The following SGF29 variants were observed in gnomAD, a reference collection of about 807,000 sequenced individuals.
SGF29 encodes the protein SAGA complex associated factor 29, also known as SAGA-associated factor 29.
Under a neutral mutation model 38.1 loss-of-function variants are expected in SGF29, and 15 were observed. The ratio of observed to expected loss-of-function variants is 0.39; its 90% CI spans 0.26 to 0.61. The LOEUF is 0.61. Among genes scored for constraint, SGF29 ranks in the 20% least tolerant of loss-of-function variants. The pLI, the probability that SGF29 is intolerant of heterozygous loss-of-function variation, is 0.49. For missense variants in SGF29, 184 were observed against 394.6 expected (o/e 0.47, Z 4.52); for synonymous variants, 151 against 160.8 (o/e 0.94, Z 0.46).
intron 3 of SGF29, 101 bp from the exon 4 acceptor site, chr16:28,585,547 C>T: frequency 3.7e-6 from 4 of 1,083,044 alleles, no homozygotes; most frequent in Non-Finnish European, 5.7e-6. Context: ...CAGCTACGGC[C>T]TCTCTGTGCC....
intron 1 of SGF29, among the ~76,000 whole-genome samples, chr16:28,579,806 C>G (rs1341881907): frequency 6.6e-6 from 1 of 151,846 alleles, no homozygotes; most frequent in Non-Finnish European, 1.5e-5. Context: ...TGGCACACAC[C>G]TGTAATCTCA....
chr16:28,564,731 ATATATG>A (rs1567286061), intron 1 of SGF29, among the ~76,000 whole-genome samples: 3 of 13,308 alleles, frequency 2.3e-4, no homozygotes, highest in African/African-American at 4.8e-4. Flanking sequence ...ATATATACAT[ATATATG>A]TATATATGTA....
rs751628138 is a variant in SGF29, at chr16:28,590,947, T to A, written c.765+12T>A. ...CGCCCCCACAGCGGGTAAAGCAGCC[T>A]CCAGGGGAGAGGCCATGGGTGATGT... On this transcript the variant is annotated intron_variant, in intron 9 of 9. Transcript: ENST00000317058. This position sits in a 1 kb window ranked among gnomAD's most constrained non-coding sequence, Gnocchi z 8.2. 8 of 1,599,942 alleles carry A rather than the reference T, an allele frequency of 5.0e-6. No homozygotes were observed. In the South Asian group the frequency reaches 8.9e-5, roughly 18 times the overall value.
At chr16:28,564,501 C>CTGTGTGTGTATATATATATG (rs2046808916) in intron 1 of SGF29, among the ~76,000 whole-genome samples, 2 of 136,070 alleles carry the variant, frequency 1.5e-5, no homozygotes, top group African/African-American at 5.5e-5. Flanking sequence ...GGACAGAACT[C>CTGTGTGTGTATATATATATG]TGTGTGTGTA....
At chr16:28,558,130 G>A (rs1359374536) in intron 1 of SGF29, among the ~76,000 whole-genome samples, 11 of 142,524 alleles carry the variant, frequency 7.7e-5, no homozygotes, top group African/African-American at 2.1e-4. Context: ...TTTTTGAAAC[G>A]GAGTCTCGCT....
intron 1 of SGF29, among the ~76,000 whole-genome samples, chr16:28,554,694 A>C (rs1431979364): frequency 6.6e-6 from 1 of 152,092 alleles, no homozygotes; most frequent in Non-Finnish European, 1.5e-5. Context: ...TCCGGTTTGC[A>C]GCCAAAGGCC....
chr16:28,570,534 T>A (rs1391329172), intron 1 of SGF29, among the ~76,000 whole-genome samples: 2 of 149,824 alleles, frequency 1.3e-5, no homozygotes, highest in Non-Finnish European at 3.0e-5. Flanking sequence ...GATTGATTGA[T>A]TTTTTTAAAT....
At chr16:28,589,004 G>A in intron 4 of SGF29, 96 bp from the exon 5 acceptor site, 1 of 1,327,794 alleles carries the variant, frequency 7.5e-7, no homozygotes, top group Non-Finnish European at 1.1e-6. Flanking sequence ...GGACCAGCCT[G>A]GGCAATGTAG....
chr16:28,582,894 C>T (rs548360697), intron 2 of SGF29, among the ~76,000 whole-genome samples: 1 of 152,240 alleles, frequency 6.6e-6, no homozygotes, highest in East Asian at 1.9e-4. Context: ...AAGATCGCAC[C>T]ACTGCACTCC....
At chr16:28,587,534 C>G (rs989137636) in intron 4 of SGF29, among the ~76,000 whole-genome samples, 1 of 152,344 alleles carries the variant, frequency 6.6e-6, no homozygotes, top group South Asian at 2.1e-4. Context: ...CTTGTCCCTG[C>G]GTTGGTTTGG....
In SGF29 at chr16:28,590,536, G is replaced by A. The variant is rs921556701; in HGVS notation, c.566+94G>A. The A allele has an allele frequency of 2.2e-5, 36 of 1,612,328 alleles. No homozygotes were observed. The highest frequency in any genetic ancestry group is 3.0e-5 in the Non-Finnish European group (35 of 1,179,380). ...TGCAGAGGGTGCTCCCCAGAGGCTG[G>A]TTGTGCAGGGAGCACCAGGTCCTCC... On this transcript the variant is annotated intron_variant, in intron 7 of 9. Transcript: ENST00000317058. This position sits in a 1 kb window ranked among gnomAD's most constrained non-coding sequence, Gnocchi z 8.2.
At chr16:28,571,869 T>G (rs1015584312) in intron 1 of SGF29, among the ~76,000 whole-genome samples, 1 of 152,146 alleles carries the variant, frequency 6.6e-6, no homozygotes, top group Non-Finnish European at 1.5e-5. Context: ...TGAGTGGTGA[T>G]TGATTGATGA....
At chr16:28,564,035 C>A (rs1034575193) in intron 1 of SGF29, among the ~76,000 whole-genome samples, 3 of 152,182 alleles carry the variant, frequency 2.0e-5, no homozygotes, top group Non-Finnish European at 4.4e-5. Flanking sequence ...GCTTAAGCCA[C>A]TGTGCCTGGC....
At chr16:28,557,563 A>G (rs1479474134) in intron 1 of SGF29, among the ~76,000 whole-genome samples, 1 of 152,216 alleles carries the variant, frequency 6.6e-6, no homozygotes, top group Non-Finnish European at 1.5e-5. Context: ...GAGTCATGGA[A>G]ACCCTGATTT....
Position 28,590,834 on chromosome 16 carries a change from A to C in SGF29, c.664A>C (p.Thr222Pro). Residue 222 changes from threonine to proline, a missense_variant, in exon 9 of 10, where the codon ACG becomes CCG. By Grantham distance (38) the Thr-to-Pro change is conservative. This residue lies in a region of SGF29 where 107 missense variants were observed against 276.9 expected (regional missense o/e 0.39). Coordinates refer to ENST00000317058, the MANE Select transcript of SGF29 (RefSeq NM_138414.3). The surrounding 1 kb of genome is among the most constrained non-coding windows in gnomAD (Gnocchi z 8.2). ...PLPQWKANPE[T>P]DPEALFQKEQ... ...GCCCCAGTGGAAGGCCAACCCGGAG[A>C]CGGACCCTGAGGCCTTGTTCCAGAA... is the stretch of plus-strand genomic sequence containing the variant. The C allele has an allele frequency of 1.2e-6, 2 of 1,613,926 alleles. No individual in the cohort carries two copies. Among genetic ancestry groups the C allele is most frequent in the Non-Finnish European group, 1.7e-6 (2 of 1,179,954 alleles).
At chr16:28,569,970 A>AC (rs1322729191) in intron 1 of SGF29, among the ~76,000 whole-genome samples, 2 of 152,166 alleles carry the variant, frequency 1.3e-5, no homozygotes, top group Non-Finnish European at 2.9e-5. Flanking sequence ...GGGCATGGCT[A>AC]CCCCCACCTA....
chr16:28,575,718 C>A (rs1596602899), intron 1 of SGF29, among the ~76,000 whole-genome samples: 2 of 152,086 alleles, frequency 1.3e-5, no homozygotes, highest in South Asian at 4.1e-4. Context: ...GACAAATAAC[C>A]AAACTTTAAA....
At chr16:28,562,392 G>T (rs2046795523) in intron 1 of SGF29, among the ~76,000 whole-genome samples, 1 of 152,076 alleles carries the variant, frequency 6.6e-6, no homozygotes, top group African/African-American at 2.4e-5. Context: ...CCCCTCCTTG[G>T]ACTATTCCTG....
intron 1 of SGF29, among the ~76,000 whole-genome samples, chr16:28,579,255 ATC>A (rs2046912027): frequency 7.0e-6 from 1 of 142,438 alleles, no homozygotes; most frequent in Non-Finnish European, 1.5e-5. Context: ...TGTTCTAATT[ATC>A]TTTTTTTTTT....
Sources: gnomAD v4.1 joint callset for allele counts (sites outside exome capture counted in the v4.1 genomes callset) on GRCh38, gnomAD v4.1.1 for gene constraint, gnomAD v4.1.1 regional missense constraint, Gnocchi (gnomAD v3.1) non-coding constraint, MANE v1.5 for transcripts, NCBI Gene and HGNC (gene_info 2026-07-23, HGNC 2026-07-21) for gene names.